The following NALF1 variants were observed in gnomAD, a reference collection of about 807,000 sequenced individuals.
The protein encoded by NALF1 is NALCN channel auxiliary factor 1, also known as family with sequence similarity 155 member A.
In NALF1, 3 loss-of-function variants were observed where a neutral mutation model predicts 48.4. That is an observed-to-expected ratio of 0.06 (90% confidence interval 0.03 to 0.16). The LOEUF (loss-of-function observed/expected upper bound fraction) is 0.16. Ranked by LOEUF, NALF1 falls within the 10% of genes least tolerant of loss-of-function variation. NALF1 has a pLI of 1.00. For synonymous variants in NALF1, 262 were observed against 245.7 expected, an observed-to-expected ratio of 1.07 and a Z score of -0.62; for missense variants, 526 against 571.5, an observed-to-expected ratio of 0.92 and a Z score of 0.81.
At chr13:107,607,437 A>G (rs1327096470) in intron 1 of NALF1, among the ~76,000 whole-genome samples, 1 of 152,206 alleles carries the variant, frequency 6.6e-6, no homozygotes, top group Non-Finnish European at 1.5e-5. Flanking sequence ...TAGAAGGCAA[A>G]ATAAGAGATA....
At chr13:107,668,070 A>C (rs1393621758) in intron 1 of NALF1, among the ~76,000 whole-genome samples, 1 of 152,132 alleles carries the variant, frequency 6.6e-6, no homozygotes, top group Non-Finnish European at 1.5e-5. Context: ...ACTTCACTGA[A>C]AACTTATATA....
intron 1 of NALF1, among the ~76,000 whole-genome samples, chr13:107,433,076 C>T (rs1346316774): frequency 6.6e-6 from 1 of 152,032 alleles, no homozygotes; most frequent in Admixed American, 6.6e-5. Flanking sequence ...TGACCTTATC[C>T]AGAAATTTGA....
chr13:107,569,233 G>T (rs1217995556), intron 1 of NALF1, among the ~76,000 whole-genome samples: 1 of 152,074 alleles, frequency 6.6e-6, no homozygotes, highest in Non-Finnish European at 1.5e-5. Flanking sequence ...ACTTTGGGAG[G>T]CCGAGGCGGG....
chr13:107,287,835 A>G (rs1289445520), intron 1 of NALF1, among the ~76,000 whole-genome samples: 1 of 151,288 alleles, frequency 6.6e-6, no homozygotes, highest in Non-Finnish European at 1.5e-5. Context: ...CCTCCCGAGT[A>G]ACTGGGATTA....
chr13:107,251,964 T>A (rs576116157), intron 1 of NALF1, among the ~76,000 whole-genome samples: 14 of 151,964 alleles, frequency 9.2e-5, no homozygotes, highest in Middle Eastern at 3.4e-3. Flanking sequence ...GCCTACAGAG[T>A]GTCCCCTGAC....
chr13:107,355,559 G>T (rs1566493965), intron 1 of NALF1, among the ~76,000 whole-genome samples: 1 of 152,040 alleles, frequency 6.6e-6, no homozygotes, highest in Non-Finnish European at 1.5e-5. Flanking sequence ...GGGGTGAGTG[G>T]ATCAGGCTTC....
At chr13:107,199,956 T>G (rs1316034765) in intron 2 of NALF1, among the ~76,000 whole-genome samples, 2 of 151,852 alleles carry the variant, frequency 1.3e-5, no homozygotes, top group Non-Finnish European at 2.9e-5. Flanking sequence ...CCACAGAGCT[T>G]CTTCTTGCTC....
Position 107,169,527 on chromosome 13 carries a change from T to A in NALF1, c.*970A>T, listed in dbSNP as rs1390224757. 6.6e-6 allele frequency: 1 copy of A among 152,150 alleles called. No individual in the cohort carries two copies. Among genetic ancestry groups the A allele is most frequent in the Admixed American group, 6.5e-5 (1 of 15,274 alleles). The allele number at this position is 152,150 out of a possible 1,614,324, so 9.4% of individuals were successfully genotyped here. A position where few individuals can be genotyped will look rare whatever the true frequency, so the allele number is the denominator to read the frequency against. ...CTTCATTGTCAAAAGAAAAACTTCC[T>A]CACTCCCCGCATCCTGATTCTAGAT... On this transcript the variant is annotated 3_prime_UTR_variant, in exon 3 of 3. Coordinates refer to ENST00000375915, the MANE Select transcript of NALF1 (RefSeq NM_001080396.3).
At position 107,652,014 on chromosome 13, in the gene NALF1, A is replaced by C. The variant is rs1880460823; in HGVS notation, c.915+213668T>G. On this transcript the variant is annotated intron_variant, in intron 1 of 2. Transcript: ENST00000375915. The stretch of plus-strand genomic sequence containing the variant: ...GACTTAAAAAATCTTTATAGATATA[A>C]ACATGTTTAACTCTATAAATAACTT... Among the ~76,000 whole-genome samples, 4 of 152,344 alleles carry C rather than the reference A, an allele frequency of 2.6e-5. No individual in the cohort carries two copies. The South Asian group carries it at 8.3e-4, about 32-fold the overall frequency.
intron 1 of NALF1, among the ~76,000 whole-genome samples, chr13:107,856,115 C>A (rs1382979482): frequency 6.6e-6 from 1 of 152,120 alleles, no homozygotes; most frequent in African/African-American, 2.4e-5. Context: ...CTATCTTGCC[C>A]AAGCTGATCT....
At chr13:107,199,257 C>T (rs139947300) in intron 2 of NALF1, among the ~76,000 whole-genome samples, 96 of 152,202 alleles carry the variant, frequency 6.3e-4, no homozygotes, top group South Asian at 1.7e-3. Flanking sequence ...GAAGACACAG[C>T]GAGAAGGCAG....
intron 1 of NALF1, among the ~76,000 whole-genome samples, chr13:107,588,657 T>G (rs1161766664): frequency 6.6e-6 from 1 of 152,232 alleles, no homozygotes; most frequent in East Asian, 1.9e-4. Flanking sequence ...TTTTTTGACA[T>G]GTAGTCTTTT....
chr13:107,763,413 C>G (rs915767882), intron 1 of NALF1, among the ~76,000 whole-genome samples: 3 of 142,850 alleles, frequency 2.1e-5, no homozygotes, highest in Non-Finnish European at 4.5e-5. Flanking sequence ...CACTAGTTCT[C>G]AAATGATGTA....
rs1357605429 is a variant in NALF1, at chr13:107,325,845, CACACACACACAT to C, written c.916-115102_916-115091del. On this transcript the variant is annotated intron_variant, in intron 1 of 2. Coordinates refer to ENST00000375915, the MANE Select transcript of NALF1 (RefSeq NM_001080396.3). ...ATGAGAGAGAAACTGTGTCTCAACA[CACACACACACAT>C]ATATATATATATATATATATATATA... Among the ~76,000 whole-genome samples, 81 of 44,066 alleles carry C rather than the reference CACACACACACAT, an allele frequency of 1.8e-3. 1 individual carries two copies. Among genetic ancestry groups the C allele is most frequent in the African/African-American group, 4.2e-3 (57 of 13,678 alleles). 28.9% of individuals were successfully genotyped at this position (44,066 alleles called of 152,430 possible).
chr13:107,228,413 C>T (rs972808921), intron 1 of NALF1, among the ~76,000 whole-genome samples: 1 of 152,104 alleles, frequency 6.6e-6, no homozygotes, highest in African/African-American at 2.4e-5. Context: ...AAAAGGTAAT[C>T]CCATTATCAA....
chr13:107,774,442 C>T (rs1329565444), intron 1 of NALF1, among the ~76,000 whole-genome samples: 6 of 152,166 alleles, frequency 3.9e-5, no homozygotes, highest in Non-Finnish European at 8.8e-5. Flanking sequence ...AAATTACATT[C>T]AGCAATTTTA....
rs1594146031 is a variant in NALF1 at position 107,380,991 on chromosome 13, A to G, written c.916-170236T>C. 8.0e-5 allele frequency among the ~76,000 whole-genome samples: 12 copies of G among 150,832 alleles called. No homozygotes were observed. The South Asian group carries it at 2.5e-3, about 32-fold the overall frequency. Reference sequence around the variant, plus strand: ...AGACACGGTCTCAAAAAAAAAAAAAAAAAAGAATACATACATTTTAGTAGA... The same window carrying G: ...AGACACGGTCTCAAAAAAAAAAAAAGAAAAGAATACATACATTTTAGTAGA... On this transcript the variant is annotated intron_variant, in intron 1 of 2. Transcript: ENST00000375915.
At chr13:107,678,457 T>C (rs192549686) in intron 1 of NALF1, among the ~76,000 whole-genome samples, 2 of 152,138 alleles carry the variant, frequency 1.3e-5, no homozygotes, top group African/African-American at 4.8e-5. Context: ...AGCAGGGGTG[T>C]CCAAAGAAAC....
rs79005666 is a variant in NALF1, at chr13:107,734,049, T to G, written c.915+131633A>C. ...GCAACGGCAAAACAGTGGTAAGTAT[T>G]TGTGTATAGAAACTTACCTAAACAT... On this transcript the variant is annotated intron_variant, in intron 1 of 2. Coordinates refer to ENST00000375915, the MANE Select transcript of NALF1 (RefSeq NM_001080396.3). Among the ~76,000 whole-genome samples, 4,073 of 152,246 alleles carry G rather than the reference T, an allele frequency of 0.027. 306 individuals carry two copies. The East Asian group carries it at 0.3, about 11-fold the overall frequency.
Sources: gnomAD v4.1 joint callset for allele counts (sites outside exome capture counted in the v4.1 genomes callset) on GRCh38, gnomAD v4.1.1 for gene constraint, MANE v1.5 for transcripts, NCBI Gene and HGNC (gene_info 2026-07-23, HGNC 2026-07-21) for gene names.